Variants in LIMA1 observed in about 807,000 individuals in gnomAD.
LIMA1 encodes the protein LIM domain and actin-binding protein 1.
A neutral mutation model predicts 62.6 loss-of-function variants in LIMA1; 52 were observed. The ratio of observed to expected loss-of-function variants is 0.83; its 90% CI spans 0.67 to 1.05. The LOEUF is 1.05. Among genes scored for constraint, LIMA1 ranks in the 50% least tolerant of loss-of-function variants. The pLI, the probability that LIMA1 is intolerant of heterozygous loss-of-function variation, is 0.00. For synonymous variants in LIMA1, 302 were observed against 317.8 expected (o/e 0.95, Z 0.53); for missense variants, 780 against 902.2 (o/e 0.86, Z 1.74).
chr12:50,249,314 A>G (rs1013973514), intron 1 of LIMA1, among the ~76,000 whole-genome samples: 7 of 152,180 alleles, frequency 4.6e-5, no homozygotes, highest in African/African-American at 1.7e-4. Context: ...TGTTACCTTG[A>G]ACATATTATG....
chr12:50,279,336 T>C (rs1048946362), intron 1 of LIMA1, among the ~76,000 whole-genome samples: 33 of 149,760 alleles, frequency 2.2e-4, no homozygotes, highest in African/African-American at 8.0e-4. Context: ...AATAAACATA[T>C]ATAATTTTTA....
chr12:50,200,993 G>T, intron 6 of LIMA1, 109 bp from the exon 7 acceptor site: 1 of 1,477,820 alleles, frequency 6.8e-7, no homozygotes, highest in Non-Finnish European at 8.9e-7. Flanking sequence ...CTTCTAAGAA[G>T]CCTCGGGTCA....
At chr12:50,200,671 A>G (rs1429195965) in intron 7 of LIMA1, 106 bp downstream of exon 7, 5 of 1,290,330 alleles carry the variant, frequency 3.9e-6, no homozygotes, top group Non-Finnish European at 5.5e-6. Flanking sequence ...CTGTTACCAA[A>G]TTCCCAGACA....
intron 2 of LIMA1, among the ~76,000 whole-genome samples, chr12:50,244,661 C>T (rs1294984161): frequency 2.0e-5 from 3 of 152,170 alleles, no homozygotes; most frequent in Admixed American, 2.0e-4. Flanking sequence ...ACAGTGAACC[C>T]AGTATACCAT....
chr12:50,198,551 C>T (rs948329830), intron 7 of LIMA1, among the ~76,000 whole-genome samples: 1 of 152,058 alleles, frequency 6.6e-6, no homozygotes, highest in Non-Finnish European at 1.5e-5. Context: ...AAGACCTCAT[C>T]TCTAAAAAAA....
intron 4 of LIMA1, among the ~76,000 whole-genome samples, chr12:50,210,428 A>AAAAAAAGG (rs1555206225): frequency 6.6e-6 from 1 of 150,650 alleles, no homozygotes; most frequent in African/African-American, 2.5e-5. Flanking sequence ...CAAAAAAAAA[A>AAAAAAAGG]AAAAAAAGAA....
At chr12:50,262,601 T>A (rs1382627999) in intron 1 of LIMA1, among the ~76,000 whole-genome samples, 1 of 150,892 alleles carries the variant, frequency 6.6e-6, no homozygotes, top group Admixed American at 6.7e-5. Context: ...TGGCGAGACC[T>A]GTTCTCTGCC....
intron 10 of LIMA1, among the ~76,000 whole-genome samples, chr12:50,179,375 C>G (rs1208487576): frequency 6.6e-6 from 1 of 151,554 alleles, no homozygotes; most frequent in Non-Finnish European, 1.5e-5. Flanking sequence ...CTCTTGACCT[C>G]GTGATCTGCC....
intron 2 of LIMA1, among the ~76,000 whole-genome samples, chr12:50,243,122 A>C (rs1217159381): frequency 2.0e-5 from 3 of 152,244 alleles, no homozygotes; most frequent in African/African-American, 7.2e-5. Context: ...ATAGAGGCTT[A>C]GTCAGAGAAA....
intron 3 of LIMA1, among the ~76,000 whole-genome samples, chr12:50,225,078 T>G (rs1455602989): frequency 6.6e-6 from 1 of 151,890 alleles, no homozygotes; most frequent in Non-Finnish European, 1.5e-5. Context: ...AATTTTGTAT[T>G]TTTAGTAGAG....
At chr12:50,240,188 C>A (rs879339205) in intron 2 of LIMA1, among the ~76,000 whole-genome samples, 1 of 151,964 alleles carries the variant, frequency 6.6e-6, no homozygotes, top group Non-Finnish European at 1.5e-5. Context: ...AGAAAAACAC[C>A]ATGCATAAAG....
At chr12:50,252,776 C>CA (rs1261313190) in intron 1 of LIMA1, among the ~76,000 whole-genome samples, 1 of 152,116 alleles carries the variant, frequency 6.6e-6, no homozygotes, top group Non-Finnish European at 1.5e-5. Flanking sequence ...TCAATATCCA[C>CA]ACCTGTAAGA....
intron 8 of LIMA1, among the ~76,000 whole-genome samples, chr12:50,194,152 TA>T: frequency 6.7e-6 from 1 of 150,092 alleles, no homozygotes; most frequent in East Asian, 2.0e-4. Flanking sequence ...CACATCCGGC[TA>T]ACTTTTTGTG....
chr12:50,178,953 T>C (rs537831677), intron 10 of LIMA1, among the ~76,000 whole-genome samples: 2 of 102,238 alleles, frequency 2.0e-5, no homozygotes, highest in African/African-American at 3.7e-5. Flanking sequence ...TATAAATACA[T>C]ATATATATAT....
chr12:50,274,556 T>C (rs1472444298), intron 1 of LIMA1, among the ~76,000 whole-genome samples: 3 of 151,148 alleles, frequency 2.0e-5, no homozygotes, highest in Non-Finnish European at 4.4e-5. Flanking sequence ...CACTCCACCC[T>C]GGGTGACAGA....
chr12:50,205,917 T>C lies in LIMA1; in HGVS notation c.715+67A>G, dbSNP rs1941143592. On this transcript the variant is annotated intron_variant, in intron 5 of 10. Transcript: ENST00000341247. Reference sequence around the variant, plus strand: ...TTCCTTTAAAAGCATTGGCTTCGAGTCCAAAAGATGTTACTACTAGTGAGT... The same window carrying C: ...TTCCTTTAAAAGCATTGGCTTCGAGCCCAAAAGATGTTACTACTAGTGAGT... The C allele has an allele frequency of 2.6e-6, 3 of 1,174,818 alleles. No individual in the cohort carries two copies. In the Admixed American group the frequency reaches 5.9e-5, roughly 23 times the overall value. The allele number at this position is 1,174,818 out of a possible 1,614,324, so 72.8% of individuals were successfully genotyped here. A position where few individuals can be genotyped will look rare whatever the true frequency, so the allele number is the denominator to read the frequency against.
chr12:50,261,042 A>ATATTTTTTTTTTTTTTTTTTTTTTTTT (rs1383547189), intron 1 of LIMA1, among the ~76,000 whole-genome samples: 2 of 54,292 alleles, frequency 3.7e-5, no homozygotes, highest in African/African-American at 7.2e-5. Context: ...CATCTAGTAT[A>ATATTTTTTTTTTTTTTTTTTTTTTTTT]TTTTTTTTTT....
chr12:50,205,927 G>T, intron 5 of LIMA1, 57 bp downstream of exon 5: 5 of 1,265,572 alleles, frequency 4.0e-6, no homozygotes, highest in Non-Finnish European at 5.6e-6. Flanking sequence ...TCCAAAAGAT[G>T]TTACTACTAG....
chr12:50,190,736 A>C (rs1592501141), intron 9 of LIMA1, among the ~76,000 whole-genome samples: 5 of 117,252 alleles, frequency 4.3e-5, no homozygotes, highest in African/African-American at 6.8e-5. Context: ...TGGGCTGGCC[A>C]GCCCCCATTC....
Sources: gnomAD v4.1 joint callset for allele counts (sites outside exome capture counted in the v4.1 genomes callset) on GRCh38, gnomAD v4.1.1 for gene constraint, MANE v1.5 for transcripts, NCBI Gene and HGNC (gene_info 2026-07-23, HGNC 2026-07-21) for gene names.